The following OR51B5 variants were observed in gnomAD, a reference collection of about 807,000 sequenced individuals.
OR51B5 encodes the protein olfactory receptor family 51 subfamily B member 5.
For missense variants in OR51B5, 456 were observed against 374.6 expected (o/e 1.22, Z -1.79); for synonymous variants, 186 against 144.8 (o/e 1.28, Z -2.04).
intron 1 of OR51B5, among the ~76,000 whole-genome samples, chr11:5,363,235 C>CGT (rs1564921913): frequency 0.052 from 4,419 of 85,350 alleles, 274 homozygotes; most frequent in African/African-American, 0.17. Context: ...GAACCCAACC[C>CGT]CTCACACACA....
chr11:5,441,288 G>T, intron 1 of OR51B5: 2 of 1,613,846 alleles, frequency 1.2e-6, no homozygotes, highest in Non-Finnish European at 1.7e-6. Context: ...TGTAGAAAAG[G>T]ACACTCCCAG....
downstream of OR51B5, chr11:5,341,125 T>C (rs940406556): frequency 6.6e-6 from 1 of 152,222 alleles, no homozygotes; most frequent in Non-Finnish European, 1.5e-5. Flanking sequence ...AGTTGGACTC[T>C]CTATGAGCAA....
chr11:5,393,199 T>C (rs938109798), intron 1 of OR51B5: 2 of 152,220 alleles, frequency 1.3e-5, no homozygotes, highest in African/African-American at 4.8e-5. Context: ...CAGTGATCAA[T>C]AAATATGTGT....
chr11:5,404,456 C>T (rs2369124), intron 1 of OR51B5, among the ~76,000 whole-genome samples: 1 of 152,272 alleles, frequency 6.6e-6, no homozygotes, highest in East Asian at 1.9e-4. Context: ...TGTAAACACA[C>T]CATTCAGCAC....
chr11:5,417,308 T>G (rs1230671284), intron 1 of OR51B5, among the ~76,000 whole-genome samples: 1 of 150,724 alleles, frequency 6.6e-6, no homozygotes, highest in African/African-American at 2.4e-5. Flanking sequence ...ACGTTAGACC[T>G]AAAACCATAA....
At position 5,453,542 on chromosome 11, in the gene OR51B5, T is replaced by C. The variant is rs751628694; in HGVS notation, n.84+52027A>G. The C allele has an allele frequency of 1.9e-6, 3 of 1,600,406 alleles. No individual in the cohort carries two copies. In the African/African-American group the frequency reaches 4.0e-5, roughly 21 times the overall value. ...CATTCTTCCTCCTGACTGGTATCCC[T>C]GGTCTGGAGAGCTCTCACTCCTGGC... On this transcript the variant is annotated intron_variant and non_coding_transcript_variant, in intron 1 of 4. Transcript: ENST00000415970.
At chr11:5,458,106 A>C (rs1456934027) in intron 1 of OR51B5, among the ~76,000 whole-genome samples, 16 of 152,110 alleles carry the variant, frequency 1.1e-4, no homozygotes, top group Non-Finnish European at 2.9e-5. Context: ...TTATAATATT[A>C]TGCTTAAGTT....
At position 5,499,522 on chromosome 11, in the gene OR51B5, C is replaced by T. The variant is rs367720485; in HGVS notation, n.84+6047G>A. ...GAATATGCCCAGAACTTAAACTTGT[C>T]ATCTCCACTTGAAGTCTAACAGGGA... On this transcript the variant is annotated intron_variant and non_coding_transcript_variant, in intron 1 of 4. Transcript: ENST00000415970. 1.3e-4 allele frequency among the ~76,000 whole-genome samples: 20 copies of T among 152,280 alleles called. No individual in the cohort carries two copies. The South Asian group carries it at 2.7e-3, about 21-fold the overall frequency.
chr11:5,477,983 G>T (rs541450868), intron 1 of OR51B5, among the ~76,000 whole-genome samples: 2 of 151,924 alleles, frequency 1.3e-5, no homozygotes, highest in African/African-American at 2.4e-5. Context: ...AAGCAGCCGG[G>T]AAGCTCCAAC....
chr11:5,374,952 G>C (rs1396754218), intron 1 of OR51B5, among the ~76,000 whole-genome samples: 1 of 151,788 alleles, frequency 6.6e-6, no homozygotes, highest in African/African-American at 2.4e-5. Context: ...AGCAAGGCAG[G>C]CCAACATTCA....
At chr11:5,418,112 G>A (rs1850269675) in intron 1 of OR51B5, among the ~76,000 whole-genome samples, 1 of 151,280 alleles carries the variant, frequency 6.6e-6, no homozygotes, top group African/African-American at 2.4e-5. Context: ...GTAGGGACAT[G>A]GATGAAGTTG....
intron 1 of OR51B5, among the ~76,000 whole-genome samples, chr11:5,399,990 A>T (rs765714912): frequency 6.6e-6 from 1 of 152,218 alleles, no homozygotes; most frequent in Non-Finnish European, 1.5e-5. Flanking sequence ...ATCCAGAGGC[A>T]GATCAATATT....
intron 1 of OR51B5, among the ~76,000 whole-genome samples, chr11:5,350,601 T>A (rs1044354302): frequency 2.0e-5 from 3 of 152,108 alleles, no homozygotes; most frequent in Non-Finnish European, 1.5e-5. Flanking sequence ...AAAAAAAAAA[T>A]TCTCCTTGAT....
intron 1 of OR51B5, among the ~76,000 whole-genome samples, chr11:5,411,310 C>G (rs1352514834): frequency 6.6e-6 from 1 of 152,138 alleles, no homozygotes; most frequent in East Asian, 1.9e-4. Context: ...TTCAGTAGAG[C>G]AACATGTACA....
chr11:5,446,899 G>A (rs553192902), intron 1 of OR51B5, among the ~76,000 whole-genome samples: 1 of 152,200 alleles, frequency 6.6e-6, no homozygotes, highest in Non-Finnish European at 1.5e-5. Context: ...GGGATATGGG[G>A]ATATAAATCG....
intron 1 of OR51B5, chr11:5,403,516 G>A (rs747308599): frequency 1.1e-5 from 5 of 471,516 alleles, no homozygotes; most frequent in African/African-American, 2.0e-5. Flanking sequence ...GCCATTGTCC[G>A]AATGCTATTA....
At chr11:5,411,116 A>G (rs1264478876) in intron 1 of OR51B5, among the ~76,000 whole-genome samples, 3 of 152,242 alleles carry the variant, frequency 2.0e-5, no homozygotes, top group Non-Finnish European at 4.4e-5. Flanking sequence ...AGGACTTTTC[A>G]TCCACTCACC....
intron 1 of OR51B5, among the ~76,000 whole-genome samples, chr11:5,414,858 T>C (rs183496106): frequency 0.011 from 1,737 of 152,258 alleles, 39 homozygotes; most frequent in African/African-American, 0.039. Context: ...CAACATTAGA[T>C]AGATCAACGA....
chr11:5,489,211 C>G (rs768711577), intron 1 of OR51B5: 8 of 1,613,824 alleles, frequency 5.0e-6, no homozygotes, highest in Non-Finnish European at 6.8e-6. Flanking sequence ...GCTGAGGCGA[C>G]TCCCCTACTG....
Sources: allele counts gnomAD v4.1 joint callset (sites outside exome capture counted in the v4.1 genomes callset), GRCh38; gene constraint gnomAD v4.1.1; transcripts MANE v1.5; gene names NCBI Gene and HGNC (gene_info 2026-07-23, HGNC 2026-07-21).